Variants in CTNNA2 observed in about 807,000 individuals in gnomAD.
The protein encoded by CTNNA2 is catenin alpha 2, also known as catenin alpha-2.
In CTNNA2, 42 loss-of-function variants were observed where a neutral mutation model predicts 101.0. The ratio of observed to expected loss-of-function variants is 0.42; its 90% CI spans 0.32 to 0.54. The LOEUF is 0.54. CTNNA2 is among the 20% of genes least tolerant of loss of function. The pLI is 0.14. For missense variants in CTNNA2, 871 were observed against 1,223.1 expected, an observed-to-expected ratio of 0.71 and a Z score of 4.29; for synonymous variants, 450 against 456.4, an observed-to-expected ratio of 0.99 and a Z score of 0.18.
chr2:79,347,788 C>CTTTTTTT (rs35044310), intron 3 of CTNNA2, among the ~76,000 whole-genome samples: 1 of 132,688 alleles, frequency 7.5e-6, no homozygotes. Flanking sequence ...CCTAGCCTTC[C>CTTTTTTT]TTTTTTTTTT....
At chr2:80,240,898 C>G (rs186103594) in intron 7 of CTNNA2, among the ~76,000 whole-genome samples, 389 of 152,164 alleles carry the variant, frequency 2.6e-3, no homozygotes, top group African/African-American at 9.0e-3. Flanking sequence ...GGAATTTGCC[C>G]TTTACTTTAC....
At chr2:79,320,587 T>G (rs1428279110) in intron 3 of CTNNA2, among the ~76,000 whole-genome samples, 2 of 152,202 alleles carry the variant, frequency 1.3e-5, no homozygotes, top group Non-Finnish European at 1.5e-5. Context: ...CTCTTGCTGC[T>G]GCTGAACTCT....
intron 7 of CTNNA2, among the ~76,000 whole-genome samples, chr2:79,937,428 T>C (rs1295938768): frequency 6.6e-6 from 1 of 152,226 alleles, no homozygotes; most frequent in Non-Finnish European, 1.5e-5. Context: ...ATTCTGCATG[T>C]AGTGTCTGCA....
intron 3 of CTNNA2, among the ~76,000 whole-genome samples, chr2:79,332,103 C>T (rs550273445): frequency 3.3e-5 from 5 of 152,180 alleles, no homozygotes; most frequent in African/African-American, 9.6e-5. Context: ...TTGACAAGAA[C>T]AGTGAGGGGC....
chr2:80,592,145 GAAAA>G (rs946320500), intron 15 of CTNNA2, among the ~76,000 whole-genome samples: 1 of 151,214 alleles, frequency 6.6e-6, no homozygotes, highest in African/African-American at 2.4e-5. Context: ...TTGAGACTAA[GAAAA>G]AAAAACTTTC....
chr2:79,879,862 A>T, intron 6 of CTNNA2, among the ~76,000 whole-genome samples: 1 of 152,178 alleles, frequency 6.6e-6, no homozygotes, highest in East Asian at 1.9e-4. Flanking sequence ...TATATTGAAC[A>T]GGAGTGGTGA....
chr2:80,626,920 T>C (rs933855377), intron 18 of CTNNA2, among the ~76,000 whole-genome samples: 4 of 151,964 alleles, frequency 2.6e-5, no homozygotes, highest in African/African-American at 9.7e-5. Flanking sequence ...TGTGTCCATG[T>C]GTTCTCATTG....
chr2:80,370,524 A>G (rs942149044), intron 7 of CTNNA2, among the ~76,000 whole-genome samples: 6 of 152,182 alleles, frequency 3.9e-5, no homozygotes, highest in Non-Finnish European at 8.8e-5. Context: ...ACTAGCCAGA[A>G]GACTTTGGTG....
intron 2 of CTNNA2, among the ~76,000 whole-genome samples, chr2:79,224,018 T>C (rs2104226614): frequency 6.6e-6 from 1 of 152,274 alleles, no homozygotes; most frequent in South Asian, 2.1e-4. Context: ...CAGTAATAGG[T>C]TGAGATAAAA....
chr2:80,226,826 C>T (rs1227557906), intron 7 of CTNNA2, among the ~76,000 whole-genome samples: 1 of 152,050 alleles, frequency 6.6e-6, no homozygotes, highest in Non-Finnish European at 1.5e-5. Context: ...CCATCTCACA[C>T]CTCTCCTTGG....
intron 2 of CTNNA2, among the ~76,000 whole-genome samples, chr2:79,713,903 C>T (rs984542922): frequency 3.9e-5 from 6 of 152,182 alleles, no homozygotes; most frequent in African/African-American, 1.4e-4. Context: ...AGGAGCCCCT[C>T]ATTGATTTCT....
intron 7 of CTNNA2, among the ~76,000 whole-genome samples, chr2:80,313,065 C>A (rs1225489480): frequency 6.6e-6 from 1 of 152,174 alleles, no homozygotes; most frequent in Non-Finnish European, 1.5e-5. Flanking sequence ...ATTACATTGA[C>A]ATATAGACAC....
At chr2:79,900,074 T>C (rs1684977821) in intron 6 of CTNNA2, among the ~76,000 whole-genome samples, 1 of 152,256 alleles carries the variant, frequency 6.6e-6, no homozygotes, top group African/African-American at 2.4e-5. Context: ...TCTTGATTTA[T>C]GCTTTTATCT....
At chr2:80,021,500 C>T (rs1005193508) in intron 7 of CTNNA2, among the ~76,000 whole-genome samples, 1 of 152,092 alleles carries the variant, frequency 6.6e-6, no homozygotes, top group South Asian at 2.1e-4. Flanking sequence ...CAAAGACCAC[C>T]TCAAAGACCC....
chr2:80,449,725 A>C (rs905113019), intron 9 of CTNNA2, among the ~76,000 whole-genome samples: 1 of 152,198 alleles, frequency 6.6e-6, no homozygotes, highest in African/African-American at 2.4e-5. Context: ...CACAGAACTA[A>C]TCAGTGACAG....
chr2:80,085,943 T>C (rs1699414305), intron 7 of CTNNA2, among the ~76,000 whole-genome samples: 1 of 152,040 alleles, frequency 6.6e-6, no homozygotes, highest in Non-Finnish European at 1.5e-5. Flanking sequence ...GGGACATGTA[T>C]GCCTACGGTT....
intron 8 of CTNNA2, among the ~76,000 whole-genome samples, chr2:80,413,397 T>C (rs1409220222): frequency 2.6e-5 from 4 of 152,204 alleles, no homozygotes; most frequent in Admixed American, 2.6e-4. Context: ...ATTTCGTGTT[T>C]CTCGTATAAG....
intron 1 of CTNNA2, among the ~76,000 whole-genome samples, chr2:79,613,516 T>C (rs1201080948): frequency 2.6e-5 from 4 of 152,140 alleles, no homozygotes; most frequent in Admixed American, 2.6e-4. Flanking sequence ...CTGTGTTTGC[T>C]TCTCTTTCAG....
At chr2:80,234,663 G>A (rs1021085743) in intron 7 of CTNNA2, among the ~76,000 whole-genome samples, 1 of 152,108 alleles carries the variant, frequency 6.6e-6, no homozygotes, top group Admixed American at 6.6e-5. Flanking sequence ...TTGAATTGGA[G>A]GATACTGCTG....
Sources: allele counts gnomAD v4.1 joint callset (sites outside exome capture counted in the v4.1 genomes callset), GRCh38; gene constraint gnomAD v4.1.1; transcripts MANE v1.5; gene names NCBI Gene and HGNC (gene_info 2026-07-23, HGNC 2026-07-21).